GABRR2: variants seen among roughly 807,000 people sequenced by gnomAD.
The protein encoded by GABRR2 is gamma-aminobutyric acid receptor subunit rho-2.
A neutral mutation model predicts 47.0 loss-of-function variants in GABRR2; 36 were observed. That is an observed-to-expected ratio of 0.77 (90% CI 0.59 to 1.01). The LOEUF (loss-of-function observed/expected upper bound fraction) is 1.01, where lower values mean the gene tolerates loss of function less well. Ranked by LOEUF, GABRR2 falls within the 50% of genes least tolerant of loss-of-function variation. The pLI is 0.00. For synonymous variants in GABRR2, 204 were observed against 227.5 expected (o/e 0.90, Z 0.93); for missense variants, 587 against 594.6 (o/e 0.99, Z 0.13).
At chr6:89,266,420 A>AG (rs1773896458) in intron 6 of GABRR2, among the ~76,000 whole-genome samples, 1 of 152,170 alleles carries the variant, frequency 6.6e-6, no homozygotes, top group Non-Finnish European at 1.5e-5. Flanking sequence ...GAGCTGGGAG[A>AG]GCTAGGCTCT....
chr6:89,292,377 TATCAG>T (rs1774461165), intron 2 of GABRR2, among the ~76,000 whole-genome samples: 1 of 57,070 alleles, frequency 1.8e-5, no homozygotes, highest in African/African-American at 6.6e-5. Flanking sequence ...TATATATATA[TATCAG>T]ATATATATCG....
intron 2 of GABRR2, among the ~76,000 whole-genome samples, chr6:89,277,076 A>G (rs572285793): frequency 1.3e-5 from 2 of 152,298 alleles, no homozygotes; most frequent in South Asian, 4.1e-4. Context: ...TCTCATCTTT[A>G]ATTGTAATCC....
chr6:89,309,672 A>G (rs193060386), intron 1 of GABRR2, among the ~76,000 whole-genome samples: 29 of 152,288 alleles, frequency 1.9e-4, no homozygotes, highest in Admixed American at 1.7e-3. Flanking sequence ...CTAAACATGC[A>G]TGGCCTCCCC....
At chr6:89,286,088 G>A (rs990107453) in intron 2 of GABRR2, among the ~76,000 whole-genome samples, 28 of 152,068 alleles carry the variant, frequency 1.8e-4, no homozygotes, top group East Asian at 3.9e-4. Context: ...TCTCTGACCC[G>A]AATCCTATGG....
Position 89,264,432 on chromosome 6 carries a change from C to G in GABRR2, c.1066G>C (p.Glu356Gln). Residue 356 changes from glutamate to glutamine, a missense_variant, in exon 8 of 9, where the codon GAA (glutamate) becomes CAA (glutamine). Glu to Gln is a conservative substitution (Grantham distance 29). Transcript: ENST00000402938. ...NYLTTVQERK[E>Q]RKLREKFPCM... Reference sequence around the variant, plus strand: ...CTCACCTTCTCCCGCAGCTTCCGTTCCTTGCGCTCCTGCACGGTGGTCAGG... The same window carrying G: ...CTCACCTTCTCCCGCAGCTTCCGTTGCTTGCGCTCCTGCACGGTGGTCAGG... The G allele has an allele frequency of 6.2e-7, 1 of 1,613,870 alleles. No individual in the cohort carries two copies. Among genetic ancestry groups the G allele is most frequent in the Non-Finnish European group, 8.5e-7 (1 of 1,179,868 alleles).
chr6:89,302,138 C>T (rs975333623), intron 1 of GABRR2: 2 of 592,666 alleles, frequency 3.4e-6, no homozygotes, highest in African/African-American at 1.8e-5. Context: ...CCTGGATGTG[C>T]GGAAGAAGTG....
At chr6:89,293,598 C>T (rs1414887047) in intron 2 of GABRR2, among the ~76,000 whole-genome samples, 1 of 152,106 alleles carries the variant, frequency 6.6e-6, no homozygotes, top group Admixed American at 6.5e-5. Flanking sequence ...ACCAGCCTGG[C>T]AACGTGGCGA....
chr6:89,257,639 A>T lies in GABRR2; in HGVS notation c.*31T>A. 5 of 1,566,310 alleles carry T rather than the reference A, an allele frequency of 3.2e-6. 1 individual carries two copies. The Middle Eastern group carries it at 8.5e-4, about 266-fold the overall frequency. ...GACTGGCCAGGCCCCCTCGATGTCT[A>T]TGCCCTCTTCTAGGAACAGCCTTGG... is the stretch of plus-strand genomic sequence containing the variant. On this transcript the variant is annotated 3_prime_UTR_variant, in exon 9 of 9. Coordinates refer to ENST00000402938, the MANE Select transcript of GABRR2 (RefSeq NM_002043.5).
intron 6 of GABRR2, among the ~76,000 whole-genome samples, chr6:89,266,999 C>CT (rs71024360): frequency 0.15 from 18,281 of 125,750 alleles, 1,641 homozygotes; most frequent in Non-Finnish European, 0.17. Flanking sequence ...TTCTTTTCTT[C>CT]TTTTTTTTTT....
chr6:89,276,571 T>C (rs1453975844), intron 2 of GABRR2, among the ~76,000 whole-genome samples: 2 of 152,162 alleles, frequency 1.3e-5, no homozygotes, highest in Non-Finnish European at 2.9e-5. Flanking sequence ...AGTAAACCGT[T>C]GTAAGATTTC....
intron 2 of GABRR2, among the ~76,000 whole-genome samples, chr6:89,286,399 G>A (rs1229166990): frequency 2.0e-5 from 3 of 152,148 alleles, no homozygotes; most frequent in Non-Finnish European, 4.4e-5. Flanking sequence ...TGCTAAGAGG[G>A]TAGACCTTAA....
At chr6:89,301,546 T>C (rs563441236) in intron 1 of GABRR2, among the ~76,000 whole-genome samples, 5 of 152,096 alleles carry the variant, frequency 3.3e-5, no homozygotes, top group Non-Finnish European at 7.4e-5. Context: ...AAGATCAATG[T>C]AAAAAATCAC....
At chr6:89,288,449 A>AAG (rs1774371382) in intron 2 of GABRR2, among the ~76,000 whole-genome samples, 1 of 152,090 alleles carries the variant, frequency 6.6e-6, no homozygotes, top group Non-Finnish European at 1.5e-5. Flanking sequence ...AACACCTTCG[A>AAG]GTGTTTTCAC....
At position 89,257,687 on chromosome 6, in the gene GABRR2, A is replaced by G. The variant is rs1562341045; in HGVS notation, c.1381T>C (p.Trp461Arg). 1.9e-6 allele frequency: 3 copies of G among 1,612,874 alleles called. No homozygotes were observed. The highest frequency in any genetic ancestry group is 1.6e-4 in the Middle Eastern group (1 of 6,062). ...ASYIFFNLIY[W>R]SVFS Reference sequence around the variant, plus strand: ...TGGAGCCCCTAGGAAAACACTGACCAATAAATTAAGTTGAAAAATATGTAG... The same window carrying G: ...TGGAGCCCCTAGGAAAACACTGACCGATAAATTAAGTTGAAAAATATGTAG... The change falls in exon 9 of 9, where the codon TGG becomes CGG. Residue 461 changes from tryptophan (W) to arginine (R), a missense_variant. Trp to Arg is a moderately radical substitution (Grantham distance 101). Coordinates refer to ENST00000402938, the MANE Select transcript of GABRR2 (RefSeq NM_002043.5).
At chr6:89,301,745 G>A (rs777370837) in intron 1 of GABRR2, 6 of 672,570 alleles carry the variant, frequency 8.9e-6, no homozygotes, top group South Asian at 3.1e-5. Context: ...AGCCCAGCCC[G>A]CCTGCCCGTC....
intron 1 of GABRR2, among the ~76,000 whole-genome samples, chr6:89,312,007 C>A (rs1649764593): frequency 6.6e-6 from 1 of 152,138 alleles, no homozygotes; most frequent in Non-Finnish European, 1.5e-5. Flanking sequence ...AACCACAGTG[C>A]AGACCCAGGA....
At position 89,255,714 on chromosome 6, in the gene GABRR2, T is replaced by C. The variant is rs565060393; in HGVS notation, c.*1956A>G. Among the ~76,000 whole-genome samples, 12 of 152,202 alleles carry C rather than the reference T, an allele frequency of 7.9e-5. No individual in the cohort carries two copies. The highest frequency in any genetic ancestry group is 2.9e-4 in the African/African-American group (12 of 41,526). Reference sequence around the variant, plus strand: ...TGACTTGCCCACAAACCCTGTTCTCTGCAATGGCAAACCTTCCCATTCTCC... The same window carrying C: ...TGACTTGCCCACAAACCCTGTTCTCCGCAATGGCAAACCTTCCCATTCTCC... On this transcript the variant is annotated 3_prime_UTR_variant, in exon 9 of 9. Coordinates refer to ENST00000402938, the MANE Select transcript of GABRR2 (RefSeq NM_002043.5).
At position 89,315,191 on chromosome 6, in the gene GABRR2, G is replaced by A; in HGVS notation, c.-26C>T. The A allele has an allele frequency of 6.2e-6, 10 of 1,613,516 alleles. No individual in the cohort carries two copies. Among genetic ancestry groups the A allele is most frequent in the Non-Finnish European group, 8.5e-6 (10 of 1,179,616 alleles). ...TTTGTGGACATCTGTGAGGCAAAAAGCTGCTTTCCAGTAGCCTGTGGCAGA... is the reference window on the plus strand; with the variant it reads ...TTTGTGGACATCTGTGAGGCAAAAAACTGCTTTCCAGTAGCCTGTGGCAGA... On this transcript the variant is annotated 5_prime_UTR_variant, in exon 1 of 9. Coordinates refer to ENST00000402938, the MANE Select transcript of GABRR2 (RefSeq NM_002043.5).
At position 89,257,585 on chromosome 6, in the gene GABRR2, G is replaced by C; in HGVS notation, c.*85C>G. 1 of 1,065,886 alleles carries C rather than the reference G, an allele frequency of 9.4e-7. No homozygotes were observed. Among genetic ancestry groups the C allele is most frequent in the East Asian group, 2.6e-5 (1 of 39,054 alleles). The allele number at this position is 1,065,886 out of a possible 1,614,324, so 66.0% of individuals were successfully genotyped here. ...TAGCTGCTGCATTGTTTGGTGAGGG[G>C]CGTGTGGTCAACAAGTCCGTCTGTC... On this transcript the variant is annotated 3_prime_UTR_variant, in exon 9 of 9. Transcript: ENST00000402938.
Sources: allele counts gnomAD v4.1 joint callset (sites outside exome capture counted in the v4.1 genomes callset), GRCh38; gene constraint gnomAD v4.1.1; transcripts MANE v1.5; gene names NCBI Gene and HGNC (gene_info 2026-07-23, HGNC 2026-07-21).